Variants in EML6 observed in about 807,000 individuals in gnomAD.
The protein encoded by EML6 is EMAP like 6.
Under a neutral mutation model 240.1 loss-of-function variants are expected in EML6, and 154 were observed. The observed-to-expected ratio is 0.64, with a 90% CI of 0.56 to 0.73. The LOEUF is 0.73. Ranked by LOEUF, EML6 falls within the 30% of genes least tolerant of loss-of-function variation. EML6 has a pLI of 0.00. For missense variants in EML6, 2,964 were observed against 2,474.6 expected (o/e 1.20, Z -4.20); for synonymous variants, 1,148 against 899.0 (o/e 1.28, Z -4.95).
chr2:54,786,489 C>T (rs1221498994), intron 2 of EML6, among the ~76,000 whole-genome samples: 30 of 152,332 alleles, frequency 2.0e-4, no homozygotes. Flanking sequence ...CTCCCCTGCT[C>T]AAGTGCTGCT....
intron 7 of EML6, among the ~76,000 whole-genome samples, chr2:54,838,860 G>A (rs950352656): frequency 6.6e-6 from 1 of 152,228 alleles, no homozygotes; most frequent in Non-Finnish European, 1.5e-5. Flanking sequence ...TCAGTTCACA[G>A]TGTCAAAAGT....
intron 16 of EML6, 119 bp downstream of exon 16, chr2:54,871,724 CGTT>C: frequency 1.4e-6 from 1 of 738,048 alleles, no homozygotes; most frequent in Admixed American, 2.1e-5. Flanking sequence ...CCCACTTAGT[CGTT>C]CTGTTTGTAT....
At chr2:54,869,468 C>T in intron 15 of EML6, 101 bp downstream of exon 15, 1 of 874,578 alleles carries the variant, frequency 1.1e-6, no homozygotes, top group Non-Finnish European at 1.7e-6. Flanking sequence ...TAGAAATAAA[C>T]ATGAGATGGG....
chr2:54,764,625 A>G (rs1332782062), intron 2 of EML6, among the ~76,000 whole-genome samples: 3 of 152,212 alleles, frequency 2.0e-5, no homozygotes, highest in African/African-American at 7.2e-5. Flanking sequence ...ATAAAATTAA[A>G]TTGTGCCTTC....
chr2:54,920,529 A>G (rs1017152261), intron 26 of EML6, among the ~76,000 whole-genome samples: 1 of 152,340 alleles, frequency 6.6e-6, no homozygotes, highest in African/African-American at 2.4e-5. Flanking sequence ...AACCTCCCAG[A>G]AAAGGCCAAG....
At position 54,950,724 on chromosome 2, in the gene EML6, C is replaced by T. The variant is rs540957671; in HGVS notation, c.4158C>T (p.Gly1386=). 7.1e-6 allele frequency: 11 copies of T among 1,551,632 alleles called. No homozygotes were observed. The highest frequency in any genetic ancestry group is 2.4e-5 in the South Asian group (2 of 84,056). The change falls in exon 30 of 42, where the codon GGC becomes GGT. Residue 1386 remains glycine, a synonymous_variant. Coordinates refer to ENST00000356458, the MANE Select transcript of EML6 (RefSeq NM_001039753.4). ...CRNNLHYLND[G]ADIIFHTAAA... The stretch of plus-strand genomic sequence containing the variant: ...ATAACCTGCATTACCTTAATGATGG[C>T]GCTGACATCATCTTCCACACAGCAG...
rs763387917 is a variant in EML6 at position 54,827,703 on chromosome 2, T to C, written c.663T>C (p.Tyr221=). The part of the protein sequence containing the change: ...TYSGALNGDI[Y]VWKGLNLVRT... ...CTGGTGCTTTAAATGGTGACATCTA[T>C]GTCTGGAAAGGGCTCAATTTAGTCC... The change falls in exon 6 of 42, where the codon TAT becomes TAC. Residue 221 remains tyrosine, a synonymous_variant. Coordinates refer to ENST00000356458, the MANE Select transcript of EML6 (RefSeq NM_001039753.4). The C allele has an allele frequency of 3.9e-6, 6 of 1,551,724 alleles. No homozygotes were observed. In the East Asian group the frequency reaches 7.3e-5, roughly 19 times the overall value.
At chr2:54,925,207 T>C (rs1202953624) in intron 26 of EML6, among the ~76,000 whole-genome samples, 1 of 152,144 alleles carries the variant, frequency 6.6e-6, no homozygotes, top group Non-Finnish European at 1.5e-5. Context: ...CCGCCCGCTC[T>C]TCCTGTGAGC....
intron 10 of EML6, among the ~76,000 whole-genome samples, chr2:54,850,782 G>C (rs774385973): frequency 6.6e-6 from 1 of 152,232 alleles, no homozygotes; most frequent in Non-Finnish European, 1.5e-5. Flanking sequence ...AAGGATGTTT[G>C]TGACACAATG....
At chr2:54,863,132 G>A (rs1195480581) in intron 12 of EML6, among the ~76,000 whole-genome samples, 1 of 152,182 alleles carries the variant, frequency 6.6e-6, no homozygotes, top group South Asian at 2.1e-4. Context: ...CAAGAGTTCT[G>A]TGGTGGTTTG....
intron 16 of EML6, among the ~76,000 whole-genome samples, chr2:54,875,070 C>T (rs191184175): frequency 6.6e-6 from 1 of 152,132 alleles, no homozygotes. Context: ...CTGGGACACT[C>T]AGTGTGCAGG....
At chr2:54,968,330 C>T in intron 40 of EML6, 49 bp downstream of exon 40, 2 of 1,536,156 alleles carry the variant, frequency 1.3e-6, no homozygotes, top group South Asian at 1.2e-5. Flanking sequence ...GTTTGGCCGT[C>T]TGCAGGAGAT....
At chr2:54,804,182 A>G (rs958868244) in intron 2 of EML6, among the ~76,000 whole-genome samples, 7 of 152,254 alleles carry the variant, frequency 4.6e-5, no homozygotes, top group Non-Finnish European at 1.0e-4. Context: ...CCACTAGACC[A>G]GATGGATTCA....
intron 32 of EML6, among the ~76,000 whole-genome samples, chr2:54,954,414 G>C (rs546358036): frequency 6.6e-6 from 1 of 152,248 alleles, no homozygotes; most frequent in East Asian, 1.9e-4. Context: ...GAGGTTCCCC[G>C]ATGTTGGCAG....
intron 30 of EML6, 63 bp downstream of exon 30, chr2:54,950,842 C>G (rs988886042): frequency 2.0e-6 from 3 of 1,475,312 alleles, no homozygotes; most frequent in African/African-American, 1.4e-5. Context: ...TTTCCCCACT[C>G]TTTAGATGCC....
intron 28 of EML6, among the ~76,000 whole-genome samples, chr2:54,932,226 C>T (rs1220329879): frequency 6.6e-6 from 1 of 152,244 alleles, no homozygotes; most frequent in Non-Finnish European, 1.5e-5. Flanking sequence ...CCCAGTTACT[C>T]CAGCTTTCCT....
Position 54,891,047 on chromosome 2 carries a change from CT to C in EML6, c.2439-5del. ...CTAGAATCTTATTTCCTATTTGTCT[CT>C]TACAGAGGACATAAAGATAAGATAT... On this transcript the variant is annotated splice_polypyrimidine_tract_variant and splice_region_variant and intron_variant, in intron 17 of 41. Transcript: ENST00000356458. The C allele has an allele frequency of 7.3e-7, 1 of 1,362,044 alleles. No homozygotes were observed. The highest frequency in any genetic ancestry group is 1.0e-6 in the Non-Finnish European group (1 of 993,210). 84.4% of individuals were successfully genotyped at this position (1,362,044 alleles called of 1,614,324 possible).
At chr2:54,733,183 G>T (rs944322755) in intron 2 of EML6, among the ~76,000 whole-genome samples, 1 of 152,240 alleles carries the variant, frequency 6.6e-6, no homozygotes, top group African/African-American at 2.4e-5. Context: ...GATGAAAGGA[G>T]CTCTCTCTGG....
chr2:54,892,760 C>G (rs975946283), intron 19 of EML6, 104 bp downstream of exon 19: 1 of 785,884 alleles, frequency 1.3e-6, no homozygotes. Flanking sequence ...ACAGGCCTGT[C>G]TGAATTAGGA....
Sources: gnomAD v4.1 joint callset for allele counts (sites outside exome capture counted in the v4.1 genomes callset) on GRCh38, gnomAD v4.1.1 for gene constraint, MANE v1.5 for transcripts, NCBI Gene and HGNC (gene_info 2026-07-23, HGNC 2026-07-21) for gene names.